The following MKI67 variants were observed in gnomAD, a reference collection of about 807,000 sequenced individuals.
MKI67 encodes marker of proliferation Ki-67, also known as proliferation marker protein Ki-67.
MKI67 carries 152 observed loss-of-function variants against 233.5 expected under a neutral mutation model. That is an observed-to-expected ratio of 0.65 (90% confidence interval 0.57 to 0.74). The LOEUF (loss-of-function observed/expected upper bound fraction) is 0.74. Among genes scored for constraint, MKI67 ranks in the 30% least tolerant of loss-of-function variants. The probability of loss-of-function intolerance (pLI) is 0.00; values close to 1 mark genes in which losing one functional copy is unlikely to be tolerated. For synonymous variants in MKI67, 1,465 were observed against 1,418.5 expected, an observed-to-expected ratio of 1.03 and a Z score of -0.74; for missense variants, 3,940 against 3,885.2, an observed-to-expected ratio of 1.01 and a Z score of -0.37.
intron 11 of MKI67, among the ~76,000 whole-genome samples, chr10:128,111,282 C>A (rs1038821990): frequency 9.2e-5 from 14 of 152,188 alleles, no homozygotes; most frequent in Admixed American, 9.2e-4. Context: ...TGTTGCTCAA[C>A]AACAACTGGC....
At chr10:128,119,178 G>A (rs1428372247) in intron 5 of MKI67, 75 bp downstream of exon 5, 2 of 1,088,626 alleles carry the variant, frequency 1.8e-6, no homozygotes, top group Non-Finnish European at 2.8e-6. Flanking sequence ...TTTCAAGTAA[G>A]AAATCATTAA....
At position 128,099,403 on chromosome 10, in the gene MKI67, T is replaced by TA. The variant is rs1852285117; in HGVS notation, c.9706-149dup. The TA allele has an allele frequency of 1.2e-5, 6 of 485,196 alleles. No homozygotes were observed. In the South Asian group the frequency reaches 2.6e-4, roughly 21 times the overall value. 30.1% of individuals were successfully genotyped at this position (485,196 alleles called of 1,614,324 possible). On this transcript the variant is annotated intron_variant, in intron 14 of 14. Transcript: ENST00000368654. ...TAATTTTGAGGTTGGAAATAAGTTT[T>TA]AAAATATATTCCATTAACATTGTTT...
intron 4 of MKI67, among the ~76,000 whole-genome samples, chr10:128,121,998 A>T (rs1025811498): frequency 6.6e-6 from 1 of 152,170 alleles, no homozygotes. Context: ...CGAGACGTTT[A>T]TGATATCCTA....
intron 5 of MKI67, 23 bp from the exon 6 acceptor site, chr10:128,116,559 C>G (rs780905132): frequency 5.0e-6 from 8 of 1,596,336 alleles, no homozygotes; most frequent in South Asian, 1.1e-5. Flanking sequence ...AAAATAAGAA[C>G]AGTTATTTGC....
intron 2 of MKI67, among the ~76,000 whole-genome samples, chr10:128,124,848 G>A (rs912502579): frequency 5.3e-5 from 8 of 151,974 alleles, no homozygotes; most frequent in Non-Finnish European, 1.0e-4. Context: ...AAGTACCAAG[G>A]TGAACAAAGG....
intron 4 of MKI67, among the ~76,000 whole-genome samples, chr10:128,121,564 ATATAT>A (rs1311479160): frequency 2.6e-5 from 3 of 113,814 alleles, no homozygotes; most frequent in Non-Finnish European, 3.9e-5. Flanking sequence ...ATTATATATA[ATATAT>A]TATAATTATA....
chr10:128,110,476 C>T lies in MKI67; in HGVS notation c.2318G>A (p.Cys773Tyr), dbSNP rs747284348. 3.2e-6 allele frequency: 5 copies of T among 1,583,370 alleles called. No homozygotes were observed. The highest frequency in any genetic ancestry group is 4.3e-6 in the Non-Finnish European group (5 of 1,155,898). Residue 773 changes from cysteine (C) to tyrosine (Y), a missense_variant, in exon 12 of 15, where the codon TGT (cysteine) becomes TAT (tyrosine). By Grantham distance (194) the Cys-to-Tyr change is radical. Transcript: ENST00000368654. ...VKEQPQLTST[C>Y]HIAISNSENL... is the part of the protein sequence containing the mutation. ...CTCTGAATTTGAAATAGCGATGTGA[C>T]ATGTGCTTGTCAACTGCGGTTGCTC...
chr10:128,111,627 C>T lies in MKI67; in HGVS notation c.2260+18G>A. ...AGTAGAGTCAAAAGATTTATAAGAT[C>T]TAAGACTACGTTTTTACCTGAAAGA... is the stretch of plus-strand genomic sequence containing the variant. On this transcript the variant is annotated intron_variant, in intron 11 of 14. Transcript: ENST00000368654. 6.4e-7 allele frequency: 1 copy of T among 1,567,388 alleles called. No homozygotes were observed. Among genetic ancestry groups the T allele is most frequent in the Non-Finnish European group, 8.7e-7 (1 of 1,151,832 alleles).
chr10:128,121,764 T>A (rs1251028441), intron 4 of MKI67, among the ~76,000 whole-genome samples: 2 of 151,538 alleles, frequency 1.3e-5, no homozygotes, highest in African/African-American at 4.9e-5. Flanking sequence ...ATGAATTCTG[T>A]ATAGTTATGT....
chr10:128,098,941 C>T lies in MKI67; in HGVS notation c.*249G>A, dbSNP rs1852273366. 3.0e-6 allele frequency: 1 copy of T among 335,604 alleles called. No homozygotes were observed. The highest frequency in any genetic ancestry group is 4.9e-5 in the Admixed American group (1 of 20,574). The allele number at this position is 335,604 out of a possible 1,614,324, so 20.8% of individuals were successfully genotyped here. On this transcript the variant is annotated 3_prime_UTR_variant, in exon 15 of 15. Transcript: ENST00000368654. ...GACCTCAAGGCTTCATTCTGCAAAG[C>T]TGAGGGCAAACCTTGGCCCAGACTC...
chr10:128,107,682 GC>G lies in MKI67; in HGVS notation c.4157del (p.Ser1386ThrfsTer22). Reference protein sequence around the residue: ...SPPESADTPTSTRRQPKTPLE... With the variant: ...SPPESADTPTXTRRQPKTPLE... Reference sequence around the variant, plus strand: ...AAGGTGTCTTGGGCTGCCTTCTTGTGCTTGTTGGGGTGTCTGCTGATTCTGG... The same window carrying G: ...AAGGTGTCTTGGGCTGCCTTCTTGTGTTGTTGGGGTGTCTGCTGATTCTGG... On this transcript the variant is annotated frameshift_variant, in exon 13 of 15. Coordinates refer to ENST00000368654, the MANE Select transcript of MKI67 (RefSeq NM_002417.5). LOFTEE classifies it high-confidence loss of function. 1 of 1,614,000 alleles carries G rather than the reference GC, an allele frequency of 6.2e-7. No homozygotes were observed. The highest frequency in any genetic ancestry group is 8.5e-7 in the Non-Finnish European group (1 of 1,180,032).
In MKI67 at chr10:128,107,338, A is replaced by G; in HGVS notation, c.4502T>C (p.Val1501Ala). 6.2e-7 allele frequency: 1 copy of G among 1,613,230 alleles called. No individual in the cohort carries two copies. Among genetic ancestry groups the G allele is most frequent in the African/African-American group, 1.3e-5 (1 of 74,648 alleles). Residue 1501 changes from valine (V) to alanine (A), a missense_variant, in exon 13 of 15, where the codon GTG (valine) becomes GCG (alanine). By Grantham distance (64) the Val-to-Ala change is moderately conservative (BLOSUM62 0). Transcript: ENST00000368654. ...KIACRSQPDP[V>A]DTPTSSKPQS... Reference sequence around the variant, plus strand: ...TGGCTTGGAGCTTGTTGGTGTGTCCACTGGGTCTGGTTGTGATCTGCAGGC... The same window carrying G: ...TGGCTTGGAGCTTGTTGGTGTGTCCGCTGGGTCTGGTTGTGATCTGCAGGC...
rs61729193 is a variant in MKI67, at chr10:128,106,424, G to T, written c.5416C>A (p.Leu1806Met). The T allele has an allele frequency of 6.2e-7, 1 of 1,613,060 alleles. No homozygotes were observed. Among genetic ancestry groups the T allele is most frequent in the Non-Finnish European group, 8.5e-7 (1 of 1,179,872 alleles). ...CCAGGTAAATTTCCTGGCTGGTCCA[G>T]TTTCTGCACTGGAGTTCCCAAAAAC... ...NTFLGTPVQK[L>M]DQPGNLPGSN... is the part of the protein sequence containing the mutation. Residue 1806 changes from leucine to methionine, a missense_variant, in exon 13 of 15, where the codon CTG (leucine) becomes ATG (methionine). Physicochemically the swap from Leu to Met is conservative, Grantham distance 15. Transcript: ENST00000368654.
intron 12 of MKI67, 66 bp downstream of exon 12, chr10:128,110,312 G>A: frequency 7.8e-7 from 1 of 1,283,134 alleles, no homozygotes; most frequent in Non-Finnish European, 1.0e-6. Context: ...CATACTGCTT[G>A]TAAAAAAATA....
rs374850153 is a variant in MKI67, at chr10:128,102,882, T to C, written c.8958A>G (p.Lys2986=). ...GCAGTGGGGGCAGGGAAGTGTTGCT[T>C]TTGCTTTGTGATTTTACAGGGTCTC... The part of the protein sequence containing the change: ...STRDPVKSQS[K]SNTSLPPLPF... The change falls in exon 13 of 15, where the codon AAA becomes AAG. Residue 2986 remains lysine (K), a synonymous_variant. Coordinates refer to ENST00000368654, the MANE Select transcript of MKI67 (RefSeq NM_002417.5). The C allele has an allele frequency of 2.5e-6, 4 of 1,614,030 alleles. No homozygotes were observed. Among genetic ancestry groups the C allele is most frequent in the Non-Finnish European group, 3.4e-6 (4 of 1,180,026 alleles).
chr10:128,106,553 C>T lies in MKI67; in HGVS notation c.5287G>A (p.Asp1763Asn). 6.2e-7 allele frequency: 1 copy of T among 1,614,098 alleles called. No homozygotes were observed. Among genetic ancestry groups the T allele is most frequent in the East Asian group, 2.2e-5 (1 of 44,890 alleles). Residue 1763 changes from aspartate (D) to asparagine (N), a missense_variant, in exon 13 of 15, where the codon GAC becomes AAC. Coordinates refer to ENST00000368654, the MANE Select transcript of MKI67 (RefSeq NM_002417.5). Reference sequence around the variant, plus strand: ...AATGCTAAAAATTCTTCTTCAGTGTCTGCTTTCCTGAGACTTCTCTTGGGC... The same window carrying T: ...AATGCTAAAAATTCTTCTTCAGTGTTTGCTTTCCTGAGACTTCTCTTGGGC... Reference protein sequence around the residue: ...PQPKRSLRKADTEEEFLAFRK... With the variant: ...PQPKRSLRKANTEEEFLAFRK...
chr10:128,110,166 C>T (rs1046944990), intron 12 of MKI67, among the ~76,000 whole-genome samples: 12 of 152,184 alleles, frequency 7.9e-5, no homozygotes, highest in East Asian at 1.9e-4. Flanking sequence ...CACACATTAA[C>T]GGAGTCTTTC....
In MKI67 at chr10:128,119,256, T is replaced by C. The variant is rs762525307; in HGVS notation, c.351A>G (p.Glu117=). Residue 117 remains glutamate (E), a synonymous_variant, in exon 5 of 15, where the codon GAA becomes GAG. Transcript: ENST00000368654. The stretch of plus-strand genomic sequence containing the variant: ...AAACTTGGATATTTTCTATCACCTG[T>C]TCACGTATTTTTCTTGGAAATTCAG... ...KSTEFPRKIR[E]QEPARRVSRS... is the part of the protein sequence containing the mutation. The C allele has an allele frequency of 1.9e-6, 3 of 1,602,372 alleles. No homozygotes were observed. In the South Asian group the frequency reaches 3.3e-5, roughly 18 times the overall value.
Position 128,114,989 on chromosome 10 carries a change from C to T in MKI67, c.1419G>A (p.Gln473=), listed in dbSNP as rs750665568. 2 of 1,604,286 alleles carry T rather than the reference C, an allele frequency of 1.2e-6. No homozygotes were observed. Among genetic ancestry groups the T allele is most frequent in the East Asian group, 2.2e-5 (1 of 44,566 alleles). Residue 473 remains glutamine (Q), a synonymous_variant, in exon 7 of 15, where the codon CAG becomes CAA. Coordinates refer to ENST00000368654, the MANE Select transcript of MKI67 (RefSeq NM_002417.5). ...KPEKLGTTAG[Q]MCSGLPGLSS... ...TAAGACCAGGTAACCCAGAGCACAT[C>T]TGTCCAGCTGTAGTGCCCAATTTCT...
Sources: gnomAD v4.1 joint callset for allele counts (sites outside exome capture counted in the v4.1 genomes callset) on GRCh38, gnomAD v4.1.1 for gene constraint, MANE v1.5 for transcripts, NCBI Gene and HGNC (gene_info 2026-07-23, HGNC 2026-07-21) for gene names.